The following CELF2 variants were observed in gnomAD, a reference collection of about 807,000 sequenced individuals.
The protein encoded by CELF2 is CUG triplet repeat RNA-binding protein 2.
A neutral mutation model predicts 62.6 loss-of-function variants in CELF2; 8 were observed. That is an observed-to-expected ratio of 0.13 (90% CI 0.07 to 0.23). The LOEUF is 0.23. Ranked by LOEUF, CELF2 falls within the 10% of genes least tolerant of loss-of-function variation. The pLI is 1.00. For missense variants in CELF2, 333 were observed against 671.0 expected (o/e 0.50, Z 5.56); for synonymous variants, 258 against 250.0 (o/e 1.03, Z -0.30).
intron 1 of CELF2, among the ~76,000 whole-genome samples, chr10:10,864,552 C>G (rs2060238863): frequency 6.6e-6 from 1 of 152,128 alleles, no homozygotes; most frequent in Non-Finnish European, 1.5e-5. Context: ...TGAGGGCTCT[C>G]TTTCTGGTTT....
At chr10:11,023,101 ATT>A (rs1010467670) in intron 1 of CELF2, among the ~76,000 whole-genome samples, 6 of 152,176 alleles carry the variant, frequency 3.9e-5, no homozygotes, top group Non-Finnish European at 8.8e-5. Context: ...GGAGGGTCAC[ATT>A]TTCGCTTTTT....
chr10:10,602,397 T>C, the CELF2 span, among the ~76,000 whole-genome samples: 14 of 152,222 alleles, frequency 9.2e-5, no homozygotes, highest in African/African-American at 3.1e-4. Context: ...TCATGTGTAG[T>C]CCCCCAAACC....
intron 12 of CELF2, among the ~76,000 whole-genome samples, chr10:11,327,961 C>T (rs994315903): frequency 3.9e-5 from 6 of 152,182 alleles, no homozygotes; most frequent in Non-Finnish European, 5.9e-5. Context: ...TTCCTGTCAC[C>T]ACTCGGATCA....
Position 11,255,820 on chromosome 10 carries a change from A to G in CELF2, c.404-1918A>G, listed in dbSNP as rs570901568. On this transcript the variant is annotated intron_variant, in intron 4 of 12. Coordinates refer to ENST00000633077, the MANE Select transcript of CELF2 (RefSeq NM_001326342.2). This position sits in a 1 kb window ranked among gnomAD's most constrained non-coding sequence, Gnocchi z 5.5. ...AACAGAGGTCCTCAGAGGTCAGCCTATTCTCCAAAGACACATATCAAACTC... is the reference window on the plus strand; with the variant it reads ...AACAGAGGTCCTCAGAGGTCAGCCTGTTCTCCAAAGACACATATCAAACTC... 5.3e-5 allele frequency among the ~76,000 whole-genome samples: 8 copies of G among 152,280 alleles called. No homozygotes were observed. The highest frequency in any genetic ancestry group is 1.7e-4 in the African/African-American group (7 of 41,560).
chr10:10,960,789 A>G (rs201078), intron 2 of CELF2, among the ~76,000 whole-genome samples: 48,024 of 152,180 alleles, frequency 0.32, 12,989 homozygotes, highest in African/African-American at 0.74. Flanking sequence ...ATGTTATAGC[A>G]AACCTAATAG....
intron 2 of CELF2, among the ~76,000 whole-genome samples, chr10:11,180,266 G>T (rs1432610516): frequency 2.0e-5 from 3 of 152,172 alleles, no homozygotes; most frequent in Non-Finnish European, 4.4e-5. Context: ...AGAGTGGAAG[G>T]TGGTGAACCT....
At chr10:10,914,295 G>A (rs912689227) in intron 1 of CELF2, among the ~76,000 whole-genome samples, 6 of 152,096 alleles carry the variant, frequency 3.9e-5, no homozygotes, top group South Asian at 4.2e-4. Flanking sequence ...ACTGGCAGAG[G>A]CTGCACAGAA....
chr10:10,852,729 A>G (rs1002348425), intron 1 of CELF2, among the ~76,000 whole-genome samples: 4 of 152,244 alleles, frequency 2.6e-5, no homozygotes, highest in African/African-American at 7.2e-5. Context: ...AAGCATTCAC[A>G]TGATCTGTCT....
At position 11,010,271 on chromosome 10, in the gene CELF2, C is replaced by T. The variant is rs1167852515; in HGVS notation, c.53+4831C>T. 1.3e-5 allele frequency: 2 copies of T among 152,186 alleles called. No homozygotes were observed. Among genetic ancestry groups the T allele is most frequent in the Non-Finnish European group, 2.9e-5 (2 of 68,048 alleles). 9.4% of individuals were successfully genotyped at this position (152,186 alleles called of 1,614,324 possible). On this transcript the variant is annotated intron_variant, in intron 1 of 12. Transcript: ENST00000416382. The surrounding 1 kb of genome is among the most constrained non-coding windows in gnomAD (Gnocchi z 4.1). Reference sequence around the variant, plus strand: ...AACGAATGGAGACCCCATTCCAAGCCTCAGGATGTTCGGTGCCTGCTCTCC... The same window carrying T: ...AACGAATGGAGACCCCATTCCAAGCTTCAGGATGTTCGGTGCCTGCTCTCC...
intron 1 of CELF2, among the ~76,000 whole-genome samples, chr10:11,143,574 A>G (rs1212169340): frequency 1.3e-5 from 2 of 152,238 alleles, no homozygotes; most frequent in African/African-American, 4.8e-5. Flanking sequence ...GTTTTCTACT[A>G]TGCATACCAT....
chr10:10,602,945 G>C, the CELF2 span, among the ~76,000 whole-genome samples: 59 of 152,186 alleles, frequency 3.9e-4, no homozygotes, highest in African/African-American at 1.4e-3. Flanking sequence ...ATTTGGAGTT[G>C]TCTCTAAAAC....
At chr10:10,685,689 C>T in the CELF2 span, among the ~76,000 whole-genome samples, 1 of 152,288 alleles carries the variant, frequency 6.6e-6, no homozygotes, top group South Asian at 2.1e-4. Context: ...GATTTTATAG[C>T]TTAGGGCTCC....
At position 11,270,550 on chromosome 10, in the gene CELF2, C is replaced by T; in HGVS notation, c.619-116C>T. On this transcript the variant is annotated intron_variant, in intron 6 of 12. Coordinates refer to ENST00000633077, the MANE Select transcript of CELF2 (RefSeq NM_001326342.2). The surrounding 1 kb of genome is among the most constrained non-coding windows in gnomAD (Gnocchi z 5.8). ...AATATCAAACCGTTTTAAACCATTT[C>T]AGCCCATTCCATGTGCTCCAGGCTA... 1 of 861,706 alleles carries T rather than the reference C, an allele frequency of 1.2e-6. No individual in the cohort carries two copies. Among genetic ancestry groups the T allele is most frequent in the Non-Finnish European group, 1.7e-6 (1 of 605,356 alleles). The allele number at this position is 861,706 out of a possible 1,614,324, so 53.4% of individuals were successfully genotyped here. A position where few individuals can be genotyped will look rare whatever the true frequency, so the allele number is the denominator to read the frequency against.
At chr10:11,196,985 GAAA>G (rs2057721253) in intron 2 of CELF2, among the ~76,000 whole-genome samples, 1 of 107,866 alleles carries the variant, frequency 9.3e-6, no homozygotes, top group Non-Finnish European at 1.9e-5. Context: ...AAGAGAGAAA[GAAA>G]GAAAGGAAGG....
At chr10:11,032,072 T>A (rs1202232232) in intron 1 of CELF2, among the ~76,000 whole-genome samples, 3 of 149,576 alleles carry the variant, frequency 2.0e-5, no homozygotes, top group African/African-American at 7.4e-5. Context: ...GTGCATGCCT[T>A]CTTGGGGCAG....
rs367975534 is a variant in CELF2 at position 10,842,182 on chromosome 10, A to G, written c.53+43365A>G. 4.1e-3 allele frequency among the ~76,000 whole-genome samples: 627 copies of G among 152,176 alleles called. 8 individuals carry two copies. The highest frequency in any genetic ancestry group is 0.017 in the South Asian group (81 of 4,828). On this transcript the variant is annotated intron_variant, in intron 1 of 13. Coordinates refer to the CELF2 transcript ENST00000636488. ...GCTATAGTTACTGATTACTTCCAGC[A>G]TATTTTTGTAGATTCTTTGTTATTT... is the stretch of plus-strand genomic sequence containing the variant.
intron 2 of CELF2, among the ~76,000 whole-genome samples, chr10:11,174,787 T>C (rs1206563062): frequency 6.6e-6 from 1 of 152,252 alleles, no homozygotes; most frequent in Non-Finnish European, 1.5e-5. Flanking sequence ...GAATTGCTGC[T>C]ATTTTGTTGC....
the CELF2 span, among the ~76,000 whole-genome samples, chr10:10,603,156 A>AT: frequency 8.1e-6 from 1 of 123,274 alleles, no homozygotes; most frequent in Non-Finnish European, 1.8e-5. Context: ...AGTCAGATAA[A>AT]TGTGTGCATA....
chr10:10,647,013 T>G, the CELF2 span, among the ~76,000 whole-genome samples: 1 of 152,196 alleles, frequency 6.6e-6, no homozygotes, highest in African/African-American at 2.4e-5. Flanking sequence ...ACATTGCATT[T>G]CCTGCCATCT....
Sources: gnomAD v4.1 joint callset for allele counts (sites outside exome capture counted in the v4.1 genomes callset) on GRCh38, gnomAD v4.1.1 for gene constraint, Gnocchi (gnomAD v3.1) non-coding constraint, MANE v1.5 for transcripts, NCBI Gene and HGNC (gene_info 2026-07-23, HGNC 2026-07-21) for gene names.